PDGFD: variants seen among roughly 807,000 people sequenced by gnomAD.
PDGFD encodes the protein platelet derived growth factor D, also known as platelet-derived growth factor D.
A neutral mutation model predicts 44.7 loss-of-function variants in PDGFD; 30 were observed. That is an observed-to-expected ratio of 0.67 (90% CI 0.50 to 0.91). The LOEUF is 0.91. PDGFD is among the 40% of genes least tolerant of loss of function. The pLI is 0.00. For missense variants in PDGFD, 445 were observed against 457.8 expected (o/e 0.97, Z 0.25); for synonymous variants, 173 against 168.4 (o/e 1.03, Z -0.21).
chr11:103,940,394 G>T (rs1858564759), intron 5 of PDGFD, among the ~76,000 whole-genome samples: 1 of 152,050 alleles, frequency 6.6e-6, no homozygotes, highest in Non-Finnish European at 1.5e-5. Flanking sequence ...CAGAAGAATG[G>T]ATGCTCAAAA....
At chr11:104,153,726 T>C (rs1472976623) in intron 1 of PDGFD, among the ~76,000 whole-genome samples, 1 of 152,192 alleles carries the variant, frequency 6.6e-6, no homozygotes, top group Non-Finnish European at 1.5e-5. Flanking sequence ...TTGGAGAGTT[T>C]AATTACCAGT....
intron 6 of PDGFD, among the ~76,000 whole-genome samples, chr11:103,918,487 A>C (rs1173346247): frequency 3.3e-5 from 5 of 152,214 alleles, no homozygotes; most frequent in Admixed American, 1.3e-4. Flanking sequence ...CACCTGTAAA[A>C]TCAGAGCTTT....
chr11:103,957,810 G>C (rs933389796), intron 3 of PDGFD, among the ~76,000 whole-genome samples: 2 of 152,090 alleles, frequency 1.3e-5, no homozygotes, highest in Non-Finnish European at 2.9e-5. Context: ...GATAGAGAGA[G>C]GGGTGCCGCA....
At chr11:104,003,676 T>C (rs1471726989) in intron 1 of PDGFD, among the ~76,000 whole-genome samples, 1 of 152,092 alleles carries the variant, frequency 6.6e-6, no homozygotes, top group Non-Finnish European at 1.5e-5. Context: ...GGTTTTGAAG[T>C]GGTGATGAGT....
chr11:104,113,228 A>G (rs1861586738), intron 1 of PDGFD, among the ~76,000 whole-genome samples: 1 of 152,126 alleles, frequency 6.6e-6, no homozygotes, highest in African/African-American at 2.4e-5. Flanking sequence ...AAGAAAACAC[A>G]TGATTGAACA....
chr11:103,996,380 A>C, intron 2 of PDGFD, 135 bp from the exon 3 acceptor site: 1 of 848,052 alleles, frequency 1.2e-6, no homozygotes, highest in Non-Finnish European at 1.8e-6. Flanking sequence ...AATGTACAGA[A>C]ATGTTAAAAG....
chr11:103,917,661 C>G (rs1434500732), intron 6 of PDGFD, among the ~76,000 whole-genome samples: 1 of 152,034 alleles, frequency 6.6e-6, no homozygotes, highest in Non-Finnish European at 1.5e-5. Context: ...ATTATGCCCA[C>G]TTTATACTGA....
chr11:103,907,486 T>G lies in PDGFD; in HGVS notation c.*2208A>C, dbSNP rs1857952909. The G allele has an allele frequency of 6.6e-6, 1 of 152,210 alleles. No individual in the cohort carries two copies. The highest frequency in any genetic ancestry group is 6.5e-5 in the Admixed American group (1 of 15,284). The allele number at this position is 152,210 out of a possible 1,614,324, so 9.4% of individuals were successfully genotyped here. On this transcript the variant is annotated 3_prime_UTR_variant, in exon 7 of 7. Coordinates refer to ENST00000393158, the MANE Select transcript of PDGFD (RefSeq NM_025208.5). The stretch of plus-strand genomic sequence containing the variant: ...AGATTTATTGGCTACATGTTAGAAG[T>G]GCAAAAGATAACAGGTAACCAAGGG...
At chr11:104,130,013 AAG>A (rs1555056643) in intron 1 of PDGFD, among the ~76,000 whole-genome samples, 1 of 151,658 alleles carries the variant, frequency 6.6e-6, no homozygotes, top group Admixed American at 6.6e-5. Context: ...AAAAAAAAAA[AAG>A]GAGCTAACAA....
intron 3 of PDGFD, among the ~76,000 whole-genome samples, chr11:103,985,980 T>C (rs10895555): frequency 0.19 from 29,325 of 152,120 alleles, 2,943 homozygotes; most frequent in East Asian, 0.34. Flanking sequence ...CCATGACTTT[T>C]CAATTTTTCT....
chr11:104,006,085 C>T (rs1859697353), intron 1 of PDGFD, among the ~76,000 whole-genome samples: 1 of 152,164 alleles, frequency 6.6e-6, no homozygotes, highest in Non-Finnish European at 1.5e-5. Flanking sequence ...ACCCCAGGAG[C>T]TCATGAAAGT....
At chr11:104,161,912 T>C (rs1272594409) in intron 1 of PDGFD, among the ~76,000 whole-genome samples, 30 of 151,660 alleles carry the variant, frequency 2.0e-4, no homozygotes, top group Admixed American at 1.8e-3. Flanking sequence ...GACATTGACA[T>C]TGAGGAAAGT....
intron 1 of PDGFD, among the ~76,000 whole-genome samples, chr11:104,119,708 T>C (rs1208079185): frequency 1.0e-5 from 1 of 99,252 alleles, no homozygotes; most frequent in African/African-American, 4.3e-5. Flanking sequence ...TATCTATTAA[T>C]ATTATAATAT....
In PDGFD at chr11:104,089,633, A is replaced by G. The variant is rs79301384; in HGVS notation, c.124+74171T>C. 2.3e-4 allele frequency among the ~76,000 whole-genome samples: 35 copies of G among 152,352 alleles called. No homozygotes were observed. In the South Asian group the frequency reaches 3.5e-3, roughly 15 times the overall value. On this transcript the variant is annotated intron_variant, in intron 1 of 6. Coordinates refer to ENST00000393158, the MANE Select transcript of PDGFD (RefSeq NM_025208.5). The stretch of plus-strand genomic sequence containing the variant: ...TCTTGATCAGCCCTCATGGAAAGTT[A>G]TGATATCCACTTTACAGGATGAGGA...
At chr11:104,085,594 T>C (rs11226151) in intron 1 of PDGFD, among the ~76,000 whole-genome samples, 34,333 of 152,160 alleles carry the variant, frequency 0.23, 4,268 homozygotes, top group Non-Finnish European at 0.28. Flanking sequence ...TTTATTCACT[T>C]AGAAATAGCA....
rs1338894336 is a variant in PDGFD at position 103,919,454 on chromosome 11, G to C, written c.987+7458C>G. On this transcript the variant is annotated intron_variant, in intron 6 of 6. Transcript: ENST00000393158. Reference sequence around the variant, plus strand: ...TTAGGAACACAAGTACGTATTTCAGGACAAATGCATTATATAAACCCAAAT... The same window carrying C: ...TTAGGAACACAAGTACGTATTTCAGCACAAATGCATTATATAAACCCAAAT... 2.0e-4 allele frequency among the ~76,000 whole-genome samples: 30 copies of C among 149,922 alleles called. 1 individual carries two copies. Among genetic ancestry groups the C allele is most frequent in the Admixed American group, 2.0e-3 (30 of 15,058 alleles).
intron 1 of PDGFD, among the ~76,000 whole-genome samples, chr11:104,144,507 CAAAAA>C (rs201864924): frequency 4.6e-4 from 34 of 73,806 alleles, no homozygotes; most frequent in South Asian, 3.0e-3. Flanking sequence ...ACTCCGTCAC[CAAAAA>C]AAAAAAAAAA....
intron 3 of PDGFD, among the ~76,000 whole-genome samples, chr11:103,966,415 AT>A (rs1859020937): frequency 6.6e-6 from 1 of 152,210 alleles, no homozygotes; most frequent in African/African-American, 2.4e-5. Context: ...AAAGAAAAAC[AT>A]CCCCAATAGT....
In PDGFD at chr11:104,087,295, A is replaced by G. The variant is rs145264298; in HGVS notation, c.124+76509T>C. Among the ~76,000 whole-genome samples the G allele has an allele frequency of 7.2e-3, 1,077 of 150,604 alleles. 53 individuals are homozygous for G. In the East Asian group the frequency reaches 0.13, roughly 18 times the overall value. The stretch of plus-strand genomic sequence containing the variant: ...ACTGCAACCTCCACCTCCCAGGTTC[A>G]AGTGATTCTCCTGCCTCGGCCTCCT... On this transcript the variant is annotated intron_variant, in intron 1 of 6. Transcript: ENST00000393158.
Sources: allele counts gnomAD v4.1 joint callset (sites outside exome capture counted in the v4.1 genomes callset), GRCh38; gene constraint gnomAD v4.1.1; transcripts MANE v1.5; gene names NCBI Gene and HGNC (gene_info 2026-07-23, HGNC 2026-07-21).